Variants in CNTN6 observed in about 807,000 individuals in gnomAD.
CNTN6 encodes the protein contactin 6, also known as contactin-6.
Under a neutral mutation model 122.8 loss-of-function variants are expected in CNTN6, and 137 were observed. That is an observed-to-expected ratio of 1.12 (90% CI 0.97 to 1.29). The LOEUF (loss-of-function observed/expected upper bound fraction) is 1.29, where lower values mean the gene tolerates loss of function less well. Ranked by LOEUF, CNTN6 falls within the 50% of genes most tolerant of loss-of-function variation. The pLI is 0.00. For missense variants in CNTN6, 1,634 were observed against 1,223.4 expected, an observed-to-expected ratio of 1.34 and a Z score of -5.01; for synonymous variants, 570 against 426.0, an observed-to-expected ratio of 1.34 and a Z score of -4.16.
intron 11 of CNTN6, among the ~76,000 whole-genome samples, chr3:1,336,387 G>A (rs1703070747): frequency 1.3e-5 from 2 of 151,736 alleles, no homozygotes; most frequent in Admixed American, 6.6e-5. Context: ...TTTTACCCTA[G>A]TAATCTCAAA....
chr3:1,096,868 C>T (rs753635469), intron 1 of CNTN6, among the ~76,000 whole-genome samples: 4 of 152,060 alleles, frequency 2.6e-5, no homozygotes, highest in South Asian at 2.1e-4. Context: ...TCACTGAAGA[C>T]GGAGGGTTTT....
At chr3:1,362,507 A>C (rs1343701966) in intron 12 of CNTN6, among the ~76,000 whole-genome samples, 2 of 152,106 alleles carry the variant, frequency 1.3e-5, no homozygotes, top group African/African-American at 4.8e-5. Context: ...TGCAAGTGCT[A>C]ACATTAAGAA....
intron 5 of CNTN6, among the ~76,000 whole-genome samples, chr3:1,285,026 C>CTT (rs1694100182): frequency 6.6e-6 from 1 of 152,140 alleles, no homozygotes; most frequent in Non-Finnish European, 1.5e-5. Context: ...GAGTGACATG[C>CTT]TTTCTCTGAC....
At chr3:1,272,426 T>G (rs2095042001) in intron 4 of CNTN6, among the ~76,000 whole-genome samples, 1 of 152,126 alleles carries the variant, frequency 6.6e-6, no homozygotes, top group African/African-American at 2.4e-5. Context: ...AGTGTACTTA[T>G]CAGAGCATCT....
intron 9 of CNTN6, among the ~76,000 whole-genome samples, chr3:1,326,759 C>T (rs1440498817): frequency 2.0e-5 from 3 of 151,900 alleles, no homozygotes; most frequent in African/African-American, 7.2e-5. Flanking sequence ...GTTTCAGCAT[C>T]AGTGAAATTT....
chr3:1,237,394 G>C (rs989990922), intron 4 of CNTN6, among the ~76,000 whole-genome samples: 7 of 152,066 alleles, frequency 4.6e-5, no homozygotes, highest in Admixed American at 1.3e-4. Context: ...CAAGAAGTTT[G>C]AGACTACATT....
intron 4 of CNTN6, among the ~76,000 whole-genome samples, chr3:1,260,590 T>C (rs983506591): frequency 1.3e-5 from 2 of 152,072 alleles, no homozygotes; most frequent in Admixed American, 1.3e-4. Context: ...CACATTATGA[T>C]ATGGTTTGGC....
chr3:1,319,240 T>C (rs977041928), intron 7 of CNTN6, among the ~76,000 whole-genome samples: 4 of 151,666 alleles, frequency 2.6e-5, no homozygotes, highest in African/African-American at 9.7e-5. Flanking sequence ...GCGATTACTT[T>C]TGCACCAACC....
At chr3:1,219,678 G>A (rs2094178985) in intron 2 of CNTN6, among the ~76,000 whole-genome samples, 1 of 152,150 alleles carries the variant, frequency 6.6e-6, no homozygotes, top group Non-Finnish European at 1.5e-5. Context: ...GGAAATCAAG[G>A]AAAGACTGTG....
chr3:1,123,104 C>A (rs1307566302), intron 1 of CNTN6, among the ~76,000 whole-genome samples: 4 of 151,686 alleles, frequency 2.6e-5, no homozygotes, highest in Non-Finnish European at 5.9e-5. Flanking sequence ...TGTTCTTTTT[C>A]CAAGTTATTT....
At chr3:1,395,128 TAAG>T (rs146077580) in intron 20 of CNTN6, among the ~76,000 whole-genome samples, 1,532 of 152,238 alleles carry the variant, frequency 0.01, 21 homozygotes, top group African/African-American at 0.035. Context: ...CACCTGAGAA[TAAG>T]AAGAATATAC....
chr3:1,264,684 C>A (rs2094899149), intron 4 of CNTN6, among the ~76,000 whole-genome samples: 1 of 151,956 alleles, frequency 6.6e-6, no homozygotes, highest in South Asian at 2.1e-4. Context: ...AAATTTGTCA[C>A]CCCACATACT....
At chr3:1,348,552 A>G (rs1575807278) in intron 11 of CNTN6, among the ~76,000 whole-genome samples, 1 of 152,004 alleles carries the variant, frequency 6.6e-6, no homozygotes, top group East Asian at 1.9e-4. Flanking sequence ...CTTCAATATT[A>G]AAGGTCATTC....
chr3:1,174,660 A>T (rs1471303508), intron 2 of CNTN6, among the ~76,000 whole-genome samples: 1 of 152,136 alleles, frequency 6.6e-6, no homozygotes, highest in Non-Finnish European at 1.5e-5. Flanking sequence ...ATCTCCTAAA[A>T]TTTCAGTCAT....
intron 1 of CNTN6, among the ~76,000 whole-genome samples, chr3:1,124,690 A>AT (rs56320008): frequency 6.6e-6 from 1 of 151,402 alleles, no homozygotes; most frequent in African/African-American, 2.4e-5. Context: ...CATTATTGAA[A>AT]TTTTTTTTAA....
intron 1 of CNTN6, among the ~76,000 whole-genome samples, chr3:1,112,272 G>A (rs1559335491): frequency 1.3e-5 from 2 of 152,152 alleles, no homozygotes; most frequent in Non-Finnish European, 2.9e-5. Flanking sequence ...TTAAGTATGT[G>A]TATAGCTATT....
chr3:1,129,874 C>A (rs1448231232), intron 1 of CNTN6, among the ~76,000 whole-genome samples: 1 of 151,696 alleles, frequency 6.6e-6, no homozygotes, highest in Non-Finnish European at 1.5e-5. Flanking sequence ...AGACTCTATT[C>A]ATTTGTATAA....
chr3:1,229,016 C>A (rs1163748143), intron 4 of CNTN6, among the ~76,000 whole-genome samples: 1 of 152,160 alleles, frequency 6.6e-6, no homozygotes, highest in Non-Finnish European at 1.5e-5. Flanking sequence ...ATTTTACATA[C>A]ACCACATACA....
Position 1,254,618 on chromosome 3 carries a change from C to T in CNTN6, c.359-23795C>T, listed in dbSNP as rs139911324. Among the ~76,000 whole-genome samples, 22 of 151,952 alleles carry T rather than the reference C, an allele frequency of 1.4e-4. No homozygotes were observed. In the South Asian group the frequency reaches 2.5e-3, roughly 17 times the overall value. On this transcript the variant is annotated intron_variant, in intron 4 of 22. Transcript: ENST00000446702. ...CACATCCTTGCCTGCCATGAGTCTA[C>T]GAAAGCAGTAGGAGAGGGATCACAT...
Sources: allele counts gnomAD v4.1 joint callset (sites outside exome capture counted in the v4.1 genomes callset), GRCh38; gene constraint gnomAD v4.1.1; transcripts MANE v1.5; gene names NCBI Gene and HGNC (gene_info 2026-07-23, HGNC 2026-07-21).